The following SLCO3A1 variants were observed in gnomAD, a reference collection of about 807,000 sequenced individuals.
The protein encoded by SLCO3A1 is PGE1 transporter.
In SLCO3A1, 27 loss-of-function variants were observed where a neutral mutation model predicts 63.1. The observed-to-expected ratio is 0.43, with a 90% confidence interval of 0.32 to 0.59. SLCO3A1 has a LOEUF of 0.59. SLCO3A1 is among the 20% of genes least tolerant of loss of function. The pLI, the probability that SLCO3A1 is intolerant of heterozygous loss-of-function variation, is 0.09. For synonymous variants in SLCO3A1, 473 were observed against 409.9 expected, an observed-to-expected ratio of 1.15 and a Z score of -1.86; for missense variants, 773 against 945.8, an observed-to-expected ratio of 0.82 and a Z score of 2.40.
At chr15:92,159,643 T>TG (rs1379320228) in intron 9 of SLCO3A1, among the ~76,000 whole-genome samples, 1 of 150,008 alleles carries the variant, frequency 6.7e-6, no homozygotes, top group Non-Finnish European at 1.5e-5. Flanking sequence ...CATGGCTCAC[T>TG]GCAGCCTGGA....
rs756187803 is a variant in SLCO3A1, at chr15:92,128,396, T to C, written c.1419T>C (p.Asn473=). 6 of 1,614,164 alleles carry C rather than the reference T, an allele frequency of 3.7e-6. No individual in the cohort carries two copies. The highest frequency in any genetic ancestry group is 5.1e-6 in the Non-Finnish European group (6 of 1,180,006). Residue 473 remains asparagine, a synonymous_variant, in exon 7 of 10, where the codon AAT becomes AAC. Coordinates refer to ENST00000318445, the MANE Select transcript of SLCO3A1 (RefSeq NM_013272.4). ...SALDPYSPCN[N]NCECQTDSFT... ...TGGACCCCTACTCGCCCTGCAATAA[T>C]AACTGTGAATGCCAAACCGATTCCT...
At chr15:91,917,227 C>T (rs146016604) in intron 2 of SLCO3A1, among the ~76,000 whole-genome samples, 2 of 152,208 alleles carry the variant, frequency 1.3e-5, no homozygotes, top group Admixed American at 6.5e-5. Flanking sequence ...ATTCTGTCTC[C>T]TGCCAGCTGC....
At chr15:91,981,474 G>C (rs762394638) in intron 2 of SLCO3A1, among the ~76,000 whole-genome samples, 1 of 152,036 alleles carries the variant, frequency 6.6e-6, no homozygotes, top group East Asian at 1.9e-4. Context: ...AAATGCCCAC[G>C]TTTTCCCACC....
chr15:91,874,015 G>A (rs1897339465), intron 1 of SLCO3A1, among the ~76,000 whole-genome samples: 1 of 152,000 alleles, frequency 6.6e-6, no homozygotes, highest in Non-Finnish European at 1.5e-5. Flanking sequence ...TTGCTCTTGG[G>A]GGATATGTTC....
chr15:91,982,416 A>G (rs8041020), intron 2 of SLCO3A1, among the ~76,000 whole-genome samples: 21,321 of 152,310 alleles, frequency 0.14, 1,920 homozygotes, highest in East Asian at 0.37. Context: ...TATAAGAGCT[A>G]ATTAAAGATT....
chr15:92,004,040 G>A lies in SLCO3A1; in HGVS notation c.646+87582G>A, dbSNP rs757947588. On this transcript the variant is annotated intron_variant, in intron 2 of 9. Transcript: ENST00000318445. ...GTTGGTGCCTTATGGTATGTGGTAC[G>A]TGGACCGTCTCAGGCACTGGTTATA... Among the ~76,000 whole-genome samples, 65 of 151,992 alleles carry A rather than the reference G, an allele frequency of 4.3e-4. 1 individual carries two copies. Among genetic ancestry groups the A allele is most frequent in the Non-Finnish European group, 5.3e-4 (36 of 67,898 alleles).
At position 92,162,844 on chromosome 15, in the gene SLCO3A1, C is replaced by T. The variant is rs747105370; in HGVS notation, c.1842C>T (p.Cys614=). ...WSTFCGEQGA[C]VLYDNVVYRY... ...CGTTCTGTGGGGAGCAAGGCGCCTG[C>T]GTCCTCTACGACAATGTGGTCTACC... The change falls in exon 10 of 10, where the codon TGC becomes TGT. Residue 614 remains cysteine, a synonymous_variant. Coordinates refer to ENST00000318445, the MANE Select transcript of SLCO3A1 (RefSeq NM_013272.4). 4.3e-6 allele frequency: 7 copies of T among 1,614,222 alleles called. No individual in the cohort carries two copies. Among genetic ancestry groups the T allele is most frequent in the Non-Finnish European group, 5.9e-6 (7 of 1,180,036 alleles).
At chr15:92,133,437 T>C (rs1281864633) in intron 7 of SLCO3A1, among the ~76,000 whole-genome samples, 3 of 146,056 alleles carry the variant, frequency 2.1e-5, no homozygotes, top group Non-Finnish European at 4.6e-5. Flanking sequence ...CCAGTGCCAG[T>C]CTGCGGTACT....
intron 2 of SLCO3A1, among the ~76,000 whole-genome samples, chr15:91,926,680 TC>T (rs1191554238): frequency 1.3e-5 from 2 of 151,630 alleles, no homozygotes; most frequent in African/African-American, 4.9e-5. Flanking sequence ...TAGTGGACAC[TC>T]ATCAAAATCG....
intron 2 of SLCO3A1, among the ~76,000 whole-genome samples, chr15:91,987,100 T>C (rs752195239): frequency 1.3e-5 from 2 of 152,116 alleles, no homozygotes; most frequent in Non-Finnish European, 2.9e-5. Context: ...TTTTATCGCT[T>C]ACAGATTTGA....
At chr15:92,108,640 G>A (rs2047693057) in intron 4 of SLCO3A1, among the ~76,000 whole-genome samples, 2 of 152,220 alleles carry the variant, frequency 1.3e-5, no homozygotes, top group African/African-American at 4.8e-5. Flanking sequence ...CTTGCCCTGA[G>A]AGGCCTTGAT....
chr15:92,019,085 G>A (rs1425330181), intron 2 of SLCO3A1, among the ~76,000 whole-genome samples: 1 of 150,592 alleles, frequency 6.6e-6, no homozygotes, highest in Non-Finnish European at 1.5e-5. Flanking sequence ...GCTGATGCGC[G>A]GTTCCTAATG....
intron 2 of SLCO3A1, among the ~76,000 whole-genome samples, chr15:92,089,019 A>G (rs964402559): frequency 4.0e-5 from 6 of 149,996 alleles, no homozygotes; most frequent in Admixed American, 1.3e-4. Flanking sequence ...TTATTTATTT[A>G]TTTATTTATT....
rs1260936621 is a variant in SLCO3A1, at chr15:92,138,008, G to A, written c.1513-8976G>A. ...ATCCCATTTGTCAATTTTGTCTTTT[G>A]TTGCCATTGCTTTTGGTGTTTTGGA... On this transcript the variant is annotated intron_variant, in intron 7 of 9. Transcript: ENST00000318445. Among the ~76,000 whole-genome samples the A allele has an allele frequency of 1.8e-5, 2 of 112,208 alleles. 1 individual carries two copies. The highest frequency in any genetic ancestry group is 3.4e-5 in the Non-Finnish European group (2 of 58,152). 73.6% of individuals were successfully genotyped at this position (112,208 alleles called of 152,430 possible).
chr15:91,945,121 G>A (rs1386081346), intron 2 of SLCO3A1, among the ~76,000 whole-genome samples: 6 of 152,084 alleles, frequency 3.9e-5, no homozygotes, highest in African/African-American at 1.2e-4. Context: ...CGAGGCAGGC[G>A]ATCACGAGGT....
intron 1 of SLCO3A1, among the ~76,000 whole-genome samples, chr15:91,877,164 T>A (rs1897420342): frequency 6.6e-6 from 1 of 152,248 alleles, no homozygotes; most frequent in African/African-American, 2.4e-5. Flanking sequence ...TGTGAAAGAA[T>A]CTTTTCCCTT....
Position 91,941,633 on chromosome 15 carries a change from T to C in SLCO3A1, c.646+25175T>C, listed in dbSNP as rs1184661842. The stretch of plus-strand genomic sequence containing the variant: ...AGGTTTTGAAGCTTCTAATCTCCCA[T>C]GGGTTTTGTACTTTTTCTTACTCGG... On this transcript the variant is annotated intron_variant, in intron 2 of 9. Coordinates refer to ENST00000318445, the MANE Select transcript of SLCO3A1 (RefSeq NM_013272.4). The surrounding 1 kb of genome is among the most constrained non-coding windows in gnomAD (Gnocchi z 4.4). 1 of 444,810 alleles carries C rather than the reference T, an allele frequency of 2.2e-6. No homozygotes were observed. Among genetic ancestry groups the C allele is most frequent in the African/African-American group, 2.0e-5 (1 of 49,338 alleles). The allele number at this position is 444,810 out of a possible 1,614,324, so 27.6% of individuals were successfully genotyped here. A position where few individuals can be genotyped will look rare whatever the true frequency, so the allele number is the denominator to read the frequency against.
chr15:92,137,279 C>T (rs2048071780), intron 7 of SLCO3A1, among the ~76,000 whole-genome samples: 1 of 107,902 alleles, frequency 9.3e-6, no homozygotes, highest in Non-Finnish European at 1.8e-5. Flanking sequence ...CAATTTCATC[C>T]ATGTCCCTAC....
Position 91,854,131 on chromosome 15 carries a change from C to T in SLCO3A1, c.180+43C>T. 1.4e-6 allele frequency: 2 copies of T among 1,389,246 alleles called. No individual in the cohort carries two copies. Among genetic ancestry groups the T allele is most frequent in the African/African-American group, 1.5e-5 (1 of 66,676 alleles). 86.1% of individuals were successfully genotyped at this position (1,389,246 alleles called of 1,614,324 possible). A position where few individuals can be genotyped will look rare whatever the true frequency, so the allele number is the denominator to read the frequency against. ...CTCCGCCGCGGGCCCCTTCCCCAGC[C>T]CGGCTCTCGAGCGGCCGCCTGGCCC... On this transcript the variant is annotated intron_variant, in intron 1 of 9. Coordinates refer to ENST00000318445, the MANE Select transcript of SLCO3A1 (RefSeq NM_013272.4). The surrounding 1 kb of genome is among the most constrained non-coding windows in gnomAD (Gnocchi z 6.4).
Sources: gnomAD v4.1 joint callset for allele counts (sites outside exome capture counted in the v4.1 genomes callset) on GRCh38, gnomAD v4.1.1 for gene constraint, Gnocchi (gnomAD v3.1) non-coding constraint, MANE v1.5 for transcripts, NCBI Gene and HGNC (gene_info 2026-07-23, HGNC 2026-07-21) for gene names.